The following VDAC1 variants were observed in gnomAD, a reference collection of about 807,000 sequenced individuals.
The protein encoded by VDAC1 is non-selective voltage-gated ion channel VDAC1.
VDAC1 carries 10 observed loss-of-function variants against 34.7 expected under a neutral mutation model. The ratio of observed to expected loss-of-function variants is 0.29; its 90% CI spans 0.18 to 0.49. The LOEUF is 0.49. Among genes scored for constraint, VDAC1 ranks in the 20% least tolerant of loss-of-function variants. VDAC1 has a pLI of 0.99. For synonymous variants in VDAC1, 130 were observed against 136.0 expected (o/e 0.96, Z 0.30); for missense variants, 230 against 347.9 (o/e 0.66, Z 2.69).
chr5:134,046,882 A>T, the VDAC1 span, among the ~76,000 whole-genome samples: 4 of 152,154 alleles, frequency 2.6e-5, no homozygotes, highest in African/African-American at 9.7e-5. Flanking sequence ...TCTCATCTGT[A>T]AAGTGGAGAC....
rs114624053 is a variant in VDAC1 at position 133,974,649 on chromosome 5, A to G, written c.703-801T>C. On this transcript the variant is annotated intron_variant, in intron 7 of 8. Transcript: ENST00000265333. Reference sequence around the variant, plus strand: ...TACTCACCTAAGTTTCTAGTTCCTCATTTGTAAAAACAGAGATGATTGGCC... The same window carrying G: ...TACTCACCTAAGTTTCTAGTTCCTCGTTTGTAAAAACAGAGATGATTGGCC... Among the ~76,000 whole-genome samples, 477 of 152,326 alleles carry G rather than the reference A, an allele frequency of 3.1e-3. 3 individuals are homozygous for G. Among genetic ancestry groups the G allele is most frequent in the African/African-American group, 0.011 (437 of 41,558 alleles).
chr5:134,109,402 T>C, the VDAC1 span, among the ~76,000 whole-genome samples: 4 of 152,180 alleles, frequency 2.6e-5, no homozygotes, highest in East Asian at 5.8e-4. Flanking sequence ...CTCCACCTTC[T>C]GCTGCATTTG....
chr5:133,997,833 G>A (rs1753386540), intron 1 of VDAC1, among the ~76,000 whole-genome samples: 1 of 152,142 alleles, frequency 6.6e-6, no homozygotes, highest in African/African-American at 2.4e-5. Flanking sequence ...GGAGGCCGAG[G>A]TGGGCGGGTC....
At chr5:134,030,600 C>CT in the VDAC1 span, among the ~76,000 whole-genome samples, 59,679 of 109,340 alleles carry the variant, frequency 0.55, 12,829 homozygotes, top group South Asian at 0.69. Flanking sequence ...TTCTTTCTTT[C>CT]TTTCTTTTTT....
At chr5:134,092,780 C>G in the VDAC1 span, among the ~76,000 whole-genome samples, 3 of 152,078 alleles carry the variant, frequency 2.0e-5, no homozygotes, top group Non-Finnish European at 2.9e-5. Context: ...ATGCCCCACA[C>G]AGAAGGAACA....
chr5:134,018,337 G>A, the VDAC1 span, among the ~76,000 whole-genome samples: 17 of 152,128 alleles, frequency 1.1e-4, no homozygotes, highest in Non-Finnish European at 2.2e-4. Context: ...ATTACCTTGC[G>A]GAGGGCACCA....
the VDAC1 span, among the ~76,000 whole-genome samples, chr5:134,109,371 T>A: frequency 2.0e-3 from 299 of 152,284 alleles, 2 homozygotes; most frequent in Non-Finnish European, 3.4e-3. Flanking sequence ...GACCCCCACA[T>A]GAACACCAGG....
chr5:134,040,993 GC>G, the VDAC1 span, among the ~76,000 whole-genome samples: 1 of 152,322 alleles, frequency 6.6e-6, no homozygotes, highest in East Asian at 1.9e-4. Flanking sequence ...GATTAATAAT[GC>G]AAAAGATGAA....
At chr5:134,036,889 C>A in the VDAC1 span, among the ~76,000 whole-genome samples, 4 of 150,598 alleles carry the variant, frequency 2.7e-5, no homozygotes, top group Non-Finnish European at 5.9e-5. Flanking sequence ...GGAGGTGGAG[C>A]TTGTAATGAG....
the VDAC1 span, among the ~76,000 whole-genome samples, chr5:134,043,902 G>A: frequency 6.6e-6 from 1 of 152,076 alleles, no homozygotes; most frequent in South Asian, 2.1e-4. Context: ...GGTGATAAAT[G>A]GAGCACTTGA....
chr5:134,092,012 C>A, the VDAC1 span, among the ~76,000 whole-genome samples: 1 of 152,224 alleles, frequency 6.6e-6, no homozygotes, highest in Non-Finnish European at 1.5e-5. Context: ...GTCTCCTTTG[C>A]GCCACTCTCT....
At chr5:134,026,754 C>A in the VDAC1 span, among the ~76,000 whole-genome samples, 1 of 152,140 alleles carries the variant, frequency 6.6e-6, no homozygotes, top group South Asian at 2.1e-4. Flanking sequence ...ACCTACTCAC[C>A]AACAAGTGGC....
chr5:134,106,689 AGCCACCGCGCCTGGCCCGTCATCC>A, the VDAC1 span, among the ~76,000 whole-genome samples: 1 of 152,136 alleles, frequency 6.6e-6, no homozygotes, highest in Admixed American at 6.5e-5. Context: ...TACAGGCGTG[AGCCACCGCGCCTGGCCCGTCATCC>A]TATCTTACAG....
the VDAC1 span, among the ~76,000 whole-genome samples, chr5:134,068,073 G>A: frequency 2.0e-5 from 3 of 151,872 alleles, no homozygotes; most frequent in Admixed American, 6.6e-5. Context: ...AGCAGAGATC[G>A]CACCACTGCA....
chr5:134,011,801 G>A, the VDAC1 span, among the ~76,000 whole-genome samples: 2 of 151,932 alleles, frequency 1.3e-5, no homozygotes, highest in African/African-American at 2.4e-5. Context: ...CACCAGGCCC[G>A]GCTAATTTCT....
At chr5:134,086,874 G>A in the VDAC1 span, among the ~76,000 whole-genome samples, 1 of 152,186 alleles carries the variant, frequency 6.6e-6, no homozygotes, top group African/African-American at 2.4e-5. Flanking sequence ...GGTACAGTGA[G>A]TGGTTTTGAA....
chr5:134,026,289 C>T, the VDAC1 span, among the ~76,000 whole-genome samples: 1 of 152,076 alleles, frequency 6.6e-6, no homozygotes, highest in Non-Finnish European at 1.5e-5. Context: ...GGGCAGATCA[C>T]GAGGTCAGAA....
the VDAC1 span, among the ~76,000 whole-genome samples, chr5:134,078,401 G>C: frequency 6.6e-6 from 1 of 152,160 alleles, no homozygotes; most frequent in Non-Finnish European, 1.5e-5. Flanking sequence ...GCTGGGAGCA[G>C]GTGCCTATTC....
intron 6 of VDAC1, among the ~76,000 whole-genome samples, chr5:133,980,409 A>G (rs1281593732): frequency 6.6e-6 from 1 of 152,176 alleles, no homozygotes; most frequent in African/African-American, 2.4e-5. Flanking sequence ...TTGTTAACTA[A>G]AACAAAAACT....
Sources: gnomAD v4.1 joint callset for allele counts (sites outside exome capture counted in the v4.1 genomes callset) on GRCh38, gnomAD v4.1.1 for gene constraint, MANE v1.5 for transcripts, NCBI Gene and HGNC (gene_info 2026-07-23, HGNC 2026-07-21) for gene names.